Variants in FAN1 observed in about 807,000 individuals in gnomAD.
FAN1 encodes the protein FANCD2 and FANCI associated nuclease 1, also known as fanconi-associated nuclease 1.
A neutral mutation model predicts 104.9 loss-of-function variants in FAN1; 91 were observed. That is an observed-to-expected ratio of 0.87 (90% CI 0.73 to 1.03). The LOEUF is 1.03. FAN1 is among the 50% of genes least tolerant of loss of function. The pLI, the probability that FAN1 is intolerant of heterozygous loss-of-function variation, is 0.00. For missense variants in FAN1, 1,263 were observed against 1,239.9 expected, an observed-to-expected ratio of 1.02 and a Z score of -0.28; for synonymous variants, 478 against 457.6, an observed-to-expected ratio of 1.04 and a Z score of -0.57.
chr15:30,916,497 G>A (rs1038843090), intron 5 of FAN1, among the ~76,000 whole-genome samples: 3 of 152,174 alleles, frequency 2.0e-5, no homozygotes, highest in African/African-American at 7.2e-5. Flanking sequence ...TAGAAAGTAA[G>A]TGTGCTGTAA....
rs1397041647 is a variant in FAN1 at position 30,908,178 on chromosome 15, C to T, written c.1295C>T (p.Thr432Ile). The T allele has an allele frequency of 3.1e-6, 5 of 1,610,588 alleles. No individual in the cohort carries two copies. The highest frequency in any genetic ancestry group is 3.4e-6 in the Non-Finnish European group (4 of 1,178,500). Residue 432 changes from threonine (T) to isoleucine (I), a missense_variant, in exon 3 of 15, where the codon ACC becomes ATC. Thr to Ile is a moderately conservative substitution (Grantham distance 89). This residue lies in a region of FAN1 where 682 missense variants were observed against 571.1 expected (regional missense o/e 1.19). Coordinates refer to ENST00000362065, the MANE Select transcript of FAN1 (RefSeq NM_014967.5). Reference sequence around the variant, plus strand: ...CGTAAATTAAGCTGGATTAAGATGACCAAATTAGAGTATGAAGAGATTGCC... The same window carrying T: ...CGTAAATTAAGCTGGATTAAGATGATCAAATTAGAGTATGAAGAGATTGCC... The part of the protein sequence containing the change: ...FQRKLSWIKM[T>I]KLEYEEIALD...
At chr15:30,924,605 A>G (rs563868415) in intron 8 of FAN1, among the ~76,000 whole-genome samples, 1 of 152,196 alleles carries the variant, frequency 6.6e-6, no homozygotes. Flanking sequence ...AATACTTGTA[A>G]TTCCTCCAAA....
rs778105339 is a variant in FAN1, at chr15:30,905,120, G to T, written c.457G>T (p.Gly153Ter). 1 of 1,613,966 alleles carries T rather than the reference G, an allele frequency of 6.2e-7. No individual in the cohort carries two copies. The highest frequency in any genetic ancestry group is 2.2e-5 in the East Asian group (1 of 44,884). Reference sequence around the variant, plus strand: ...TCGTAGTGTGAAAGTCATTTGTTTGGGAAGCCTAGCATCTAAATTGTCCAG... The same window carrying T: ...TCGTAGTGTGAAAGTCATTTGTTTGTGAAGCCTAGCATCTAAATTGTCCAG... ...RNRSVKVICL[G>*]SLASKLSRKY... Residue 153 changes from glycine to a stop codon, truncating the protein, a stop_gained, in exon 2 of 15, where the codon GGA becomes TGA. Coordinates refer to ENST00000362065, the MANE Select transcript of FAN1 (RefSeq NM_014967.5). LOFTEE classifies it high-confidence loss of function.
chr15:30,940,871 A>G (rs980005123), intron 14 of FAN1: 5 of 1,010,118 alleles, frequency 4.9e-6, no homozygotes, highest in Non-Finnish European at 5.9e-6. Flanking sequence ...TTAACAGTGC[A>G]TATCATTTTA....
At chr15:30,906,590 G>GA (rs1566909104) in intron 2 of FAN1, 3 of 444,202 alleles carry the variant, frequency 6.8e-6, no homozygotes, top group East Asian at 7.1e-5. Context: ...CTGAGGGCAG[G>GA]AAAAAACATG....
chr15:30,933,834 C>T (rs1408452814), intron 13 of FAN1, among the ~76,000 whole-genome samples: 1 of 151,768 alleles, frequency 6.6e-6, no homozygotes, highest in Non-Finnish European at 1.5e-5. Flanking sequence ...GATCCTGGAT[C>T]GCTGCAGCCT....
chr15:30,934,763 T>C (rs2062806451), intron 13 of FAN1, among the ~76,000 whole-genome samples: 1 of 152,246 alleles, frequency 6.6e-6, no homozygotes. Flanking sequence ...GTTGCGTTAG[T>C]ATATTATATA....
Position 30,911,456 on chromosome 15 carries a change from A to G in FAN1, c.1577+641A>G, listed in dbSNP as rs1227522681. On this transcript the variant is annotated intron_variant, in intron 4 of 14. Transcript: ENST00000362065. ...TATTTATTTTATATATTTGTTTTGT[A>G]TATTTCAGTTGTTATGAGCCCATCC... The G allele has an allele frequency of 3.1e-6, 3 of 983,382 alleles. No individual in the cohort carries two copies. In the African/African-American group the frequency reaches 5.2e-5, roughly 17 times the overall value. The allele number at this position is 983,382 out of a possible 1,614,324, so 60.9% of individuals were successfully genotyped here.
chr15:30,927,266 C>G lies in FAN1; in HGVS notation c.2489-1287C>G, dbSNP rs138966584. On this transcript the variant is annotated intron_variant, in intron 10 of 14. Coordinates refer to ENST00000362065, the MANE Select transcript of FAN1 (RefSeq NM_014967.5). The stretch of plus-strand genomic sequence containing the variant: ...TCTGGCCTTTATATTCCTGCCTGAT[C>G]GTCAGTGTATTCACCAGGACGGAAC... 9.9e-5 allele frequency: 98 copies of G among 985,450 alleles called. No homozygotes were observed. The East Asian group carries it at 8.5e-3, about 86-fold the overall frequency. 61.0% of individuals were successfully genotyped at this position (985,450 alleles called of 1,614,324 possible). A position where few individuals can be genotyped will look rare whatever the true frequency, so the allele number is the denominator to read the frequency against.
In FAN1 at chr15:30,922,296, G is replaced by A; in HGVS notation, c.2114G>A (p.Gly705Asp). ...SQRIYCPDSR[G>D]RWWDRLALNL... ...AGAATTTATTGTCCTGACAGCAGAG[G>A]CCGATGGTGGGATCGACTGGCCCTT... Residue 705 changes from glycine (G) to aspartate (D), a missense_variant, in exon 8 of 15, where the codon GGC (glycine) becomes GAC (aspartate). Gly to Asp is a moderately conservative substitution (Grantham distance 94). Transcript: ENST00000362065. The A allele has an allele frequency of 6.2e-7, 1 of 1,614,084 alleles. No homozygotes were observed. Among genetic ancestry groups the A allele is most frequent in the Non-Finnish European group, 8.5e-7 (1 of 1,179,998 alleles).
chr15:30,941,226 A>G (rs1455431931), intron 14 of FAN1: 2 of 1,410,448 alleles, frequency 1.4e-6, no homozygotes, highest in Non-Finnish European at 1.9e-6. Flanking sequence ...CAACATGAAC[A>G]GTTTGATCAC....
intron 10 of FAN1, chr15:30,927,841 C>G (rs1300405740): frequency 1.0e-6 from 1 of 985,474 alleles, no homozygotes; most frequent in African/African-American, 1.7e-5. Flanking sequence ...CAAGGCTGAC[C>G]CCCTCATCCC....
chr15:30,941,844 T>C lies in FAN1; in HGVS notation c.*282T>C. On this transcript the variant is annotated 3_prime_UTR_variant, in exon 15 of 15. Transcript: ENST00000362065. ...AAGTAGCACAGTTTCCACAGTTTTA[T>C]GTGTGTTCCAGAGACACGTGGCAGA... The C allele has an allele frequency of 1.9e-6, 3 of 1,614,048 alleles. No individual in the cohort carries two copies. Among genetic ancestry groups the C allele is most frequent in the East Asian group, 2.2e-5 (1 of 44,890 alleles).
chr15:30,914,080 T>G lies in FAN1; in HGVS notation c.1800T>G (p.Asp600Glu), dbSNP rs1382731957. ...AAACCCACATCTTCCAAGACAGAGA[T>G]GATCTTATCAGGTAAGATGATGTTA... ...NRKTHIFQDR[D>E]DLIRYAAATH... Residue 600 changes from aspartate to glutamate, a missense_variant, in exon 5 of 15, where the codon GAT (aspartate) becomes GAG (glutamate). Coordinates refer to ENST00000362065, the MANE Select transcript of FAN1 (RefSeq NM_014967.5). 6.2e-7 allele frequency: 1 copy of G among 1,610,614 alleles called. No individual in the cohort carries two copies. The highest frequency in any genetic ancestry group is 1.1e-5 in the South Asian group (1 of 91,002).
intron 13 of FAN1, among the ~76,000 whole-genome samples, chr15:30,933,758 T>C (rs1171791444): frequency 7.1e-6 from 1 of 140,300 alleles, no homozygotes; most frequent in Non-Finnish European, 1.5e-5. Flanking sequence ...CTTTTCTTTT[T>C]TTTTTTGTTT....
rs764336139 is a variant in FAN1, at chr15:30,905,604, T to TA, written c.942dup (p.Gln315ThrfsTer11). The TA allele has an allele frequency of 1.9e-6, 3 of 1,614,082 alleles. No individual in the cohort carries two copies. Among genetic ancestry groups the TA allele is most frequent in the Non-Finnish European group, 1.7e-6 (2 of 1,179,948 alleles). ...ATGACTGTTGCTTCAGAAGCTAAAA[T>TA]ACAGCTGTCAGATTCAGAGGCAAAA... On this transcript the variant is annotated frameshift_variant, in exon 2 of 15. Coordinates refer to ENST00000362065, the MANE Select transcript of FAN1 (RefSeq NM_014967.5). LOFTEE classifies it high-confidence loss of function.
intron 5 of FAN1, among the ~76,000 whole-genome samples, chr15:30,917,348 A>G (rs2062217630): frequency 6.6e-6 from 1 of 152,128 alleles, no homozygotes; most frequent in African/African-American, 2.4e-5. Context: ...TCTGGCCTGG[A>G]AAAAGTCAAC....
intron 10 of FAN1, chr15:30,926,741 G>A (rs1272348545): frequency 7.8e-5 from 77 of 985,276 alleles, no homozygotes; most frequent in Admixed American, 1.2e-4. Flanking sequence ...CTGGACACTC[G>A]CTGGAGGAGG....
intron 10 of FAN1, 142 bp downstream of exon 10, chr15:30,926,081 C>T: frequency 1.2e-6 from 1 of 805,334 alleles, no homozygotes; most frequent in South Asian, 1.7e-5. Context: ...GGATGTCTTC[C>T]TATTCTTCCC....
Sources: gnomAD v4.1 joint callset for allele counts (sites outside exome capture counted in the v4.1 genomes callset) on GRCh38, gnomAD v4.1.1 for gene constraint, gnomAD v4.1.1 regional missense constraint, MANE v1.5 for transcripts, NCBI Gene and HGNC (gene_info 2026-07-23, HGNC 2026-07-21) for gene names.